The following PLGRKT variants were observed in gnomAD, a reference collection of about 807,000 sequenced individuals.
The protein encoded by PLGRKT is plasminogen receptor with a C-terminal lysine, also known as plasminogen receptor (KT).
PLGRKT carries 22 observed loss-of-function variants against 18.5 expected under a neutral mutation model. The observed-to-expected ratio is 1.19, with a 90% confidence interval of 0.85 to 1.70. PLGRKT has a LOEUF of 1.70. Among genes scored for constraint, PLGRKT ranks in the 40% most tolerant of loss-of-function variants. The pLI is 0.00. For synonymous variants in PLGRKT, 72 were observed against 52.8 expected (o/e 1.36, Z -1.58); for missense variants, 235 against 174.4 (o/e 1.35, Z -1.96).
At chr9:5,432,320 CTCT>C (rs1247411108) in intron 2 of PLGRKT, among the ~76,000 whole-genome samples, 2 of 152,206 alleles carry the variant, frequency 1.3e-5, no homozygotes, top group African/African-American at 4.8e-5. Flanking sequence ...AAAAACAACT[CTCT>C]TTTTTTGTGA....
At chr9:5,359,445 T>C (rs897188926) in intron 5 of PLGRKT, among the ~76,000 whole-genome samples, 2 of 151,996 alleles carry the variant, frequency 1.3e-5, no homozygotes, top group Non-Finnish European at 2.9e-5. Context: ...AAATGTCTTA[T>C]TTTTTTTACC....
At chr9:5,421,541 A>G (rs574067593) in intron 3 of PLGRKT, among the ~76,000 whole-genome samples, 34 of 152,178 alleles carry the variant, frequency 2.2e-4, no homozygotes, top group Non-Finnish European at 4.3e-4. Flanking sequence ...TCTAAATATT[A>G]CCCAGTATAG....
At chr9:5,411,653 G>A (rs912568459) in intron 3 of PLGRKT, among the ~76,000 whole-genome samples, 6 of 152,140 alleles carry the variant, frequency 3.9e-5, no homozygotes, top group South Asian at 2.1e-4. Flanking sequence ...ATACCATGAC[G>A]TTAAGCCACT....
intron 3 of PLGRKT, chr9:5,392,578 T>A (rs1393970030): frequency 3.9e-5 from 6 of 151,976 alleles, no homozygotes; most frequent in Non-Finnish European, 5.9e-5. Context: ...GATTTGAATC[T>A]GAGCTCCCCT....
chr9:5,428,038 A>G (rs1818736637), intron 3 of PLGRKT, among the ~76,000 whole-genome samples: 1 of 152,138 alleles, frequency 6.6e-6, no homozygotes, highest in African/African-American at 2.4e-5. Context: ...GATGTTATCA[A>G]TGACAATGGG....
At chr9:5,379,525 T>C (rs1817696620) in intron 3 of PLGRKT, among the ~76,000 whole-genome samples, 1 of 152,120 alleles carries the variant, frequency 6.6e-6, no homozygotes, top group South Asian at 2.1e-4. Flanking sequence ...TGTACACAAA[T>C]ACATAAATAT....
At chr9:5,405,016 C>T (rs902028851) in intron 3 of PLGRKT, among the ~76,000 whole-genome samples, 1 of 152,058 alleles carries the variant, frequency 6.6e-6, no homozygotes, top group Non-Finnish European at 1.5e-5. Context: ...CATGAATGAA[C>T]TCCCATTCAC....
intron 5 of PLGRKT, 117 bp downstream of exon 5, chr9:5,360,961 G>T (rs771876589): frequency 3.7e-5 from 23 of 622,958 alleles, no homozygotes; most frequent in Non-Finnish European, 6.0e-5. Context: ...GTTGCTCATT[G>T]GAGGTTCAAA....
intron 3 of PLGRKT, among the ~76,000 whole-genome samples, chr9:5,427,294 G>C (rs907636191): frequency 1.3e-5 from 2 of 152,068 alleles, no homozygotes; most frequent in African/African-American, 2.4e-5. Flanking sequence ...TGGTGTGCAG[G>C]TAACCCTTGT....
rs1171587330 is a variant in PLGRKT, at chr9:5,418,521, C to A, written c.81+13376G>T. 1.0e-6 allele frequency: 1 copy of A among 998,160 alleles called. No homozygotes were observed. The highest frequency in any genetic ancestry group is 1.6e-6 in the Non-Finnish European group (1 of 627,304). The allele number at this position is 998,160 out of a possible 1,614,324, so 61.8% of individuals were successfully genotyped here. A position where few individuals can be genotyped will look rare whatever the true frequency, so the allele number is the denominator to read the frequency against. ...TCACCATGCCCCGCCTGTCCTGCTC[C>A]TCCTCCGCCACCCCCTGGGGAGCCC... is the stretch of plus-strand genomic sequence containing the variant. On this transcript the variant is annotated intron_variant, in intron 3 of 5. Transcript: ENST00000223864. The surrounding 1 kb of genome is among the most constrained non-coding windows in gnomAD (Gnocchi z 4.2).
At chr9:5,412,042 C>A (rs1346428525) in intron 3 of PLGRKT, among the ~76,000 whole-genome samples, 1 of 152,158 alleles carries the variant, frequency 6.6e-6, no homozygotes, top group Admixed American at 6.5e-5. Flanking sequence ...GTAGCCTCAA[C>A]AAGCATTAAA....
At chr9:5,379,858 T>C (rs982616514) in intron 3 of PLGRKT, among the ~76,000 whole-genome samples, 9 of 152,228 alleles carry the variant, frequency 5.9e-5, no homozygotes, top group African/African-American at 2.2e-4. Context: ...ATCTGTGTGA[T>C]AGAAAATCTT....
At chr9:5,419,818 C>T (rs985596587) in intron 3 of PLGRKT, among the ~76,000 whole-genome samples, 1 of 152,128 alleles carries the variant, frequency 6.6e-6, no homozygotes. Context: ...TTTGGTGGTT[C>T]CTCAATAAGT....
intron 2 of PLGRKT, 81 bp from the exon 3 acceptor site, chr9:5,432,064 C>A: frequency 3.0e-6 from 2 of 668,512 alleles, no homozygotes; most frequent in East Asian, 2.6e-5. Flanking sequence ...CTACCTTGGG[C>A]TTATGACAAA....
chr9:5,386,470 C>T (rs139564914), intron 3 of PLGRKT, among the ~76,000 whole-genome samples: 1 of 151,944 alleles, frequency 6.6e-6, no homozygotes, highest in East Asian at 1.9e-4. Flanking sequence ...TGCTGCTGAA[C>T]ATCATATGAT....
intron 3 of PLGRKT, among the ~76,000 whole-genome samples, chr9:5,403,477 G>A (rs186671021): frequency 7.9e-4 from 120 of 152,080 alleles, no homozygotes; most frequent in African/African-American, 2.6e-3. Flanking sequence ...CGCCTGCCTC[G>A]GCCTCCCAAA....
At chr9:5,393,224 G>A (rs1310134313) in intron 3 of PLGRKT, among the ~76,000 whole-genome samples, 3 of 151,890 alleles carry the variant, frequency 2.0e-5, no homozygotes, top group African/African-American at 7.3e-5. Flanking sequence ...CCCTCAGTGA[G>A]TGAAGTCAGG....
intron 3 of PLGRKT, among the ~76,000 whole-genome samples, chr9:5,374,181 A>T (rs1296416404): frequency 6.6e-6 from 1 of 152,168 alleles, no homozygotes; most frequent in South Asian, 2.1e-4. Context: ...AGCAAAATCT[A>T]ATTATAATAT....
At chr9:5,397,552 G>A (rs1404318034) in intron 3 of PLGRKT, among the ~76,000 whole-genome samples, 1 of 151,600 alleles carries the variant, frequency 6.6e-6, no homozygotes, top group Non-Finnish European at 1.5e-5. Context: ...AAGGAAGGAG[G>A]GAGGGAAGGA....
Sources: gnomAD v4.1 joint callset for allele counts (sites outside exome capture counted in the v4.1 genomes callset) on GRCh38, gnomAD v4.1.1 for gene constraint, Gnocchi (gnomAD v3.1) non-coding constraint, MANE v1.5 for transcripts, NCBI Gene and HGNC (gene_info 2026-07-23, HGNC 2026-07-21) for gene names.